CRB1: variants seen among roughly 807,000 people sequenced by gnomAD.
CRB1 encodes protein crumbs homolog 1.
CRB1 carries 83 observed loss-of-function variants against 120.0 expected under a neutral mutation model. The ratio of observed to expected loss-of-function variants is 0.69; its 90% CI spans 0.58 to 0.83. The LOEUF (loss-of-function observed/expected upper bound fraction) is 0.83, where lower values mean the gene tolerates loss of function less well. CRB1 is among the 40% of genes least tolerant of loss of function. CRB1 has a pLI of 0.00. For synonymous variants in CRB1, 625 were observed against 612.5 expected, an observed-to-expected ratio of 1.02 and a Z score of -0.30; for missense variants, 1,699 against 1,687.6, an observed-to-expected ratio of 1.01 and a Z score of -0.12.
At chr1:197,260,699 ATTT>A in the CRB1 span, among the ~76,000 whole-genome samples, 1 of 144,278 alleles carries the variant, frequency 6.9e-6, no homozygotes, top group African/African-American at 2.5e-5. Flanking sequence ...CAACTAACTA[ATTT>A]TTTTTTTTTT....
intron 5 of CRB1, among the ~76,000 whole-genome samples, chr1:197,361,769 TA>T (rs370146891): frequency 2.6e-5 from 4 of 151,350 alleles, no homozygotes; most frequent in African/African-American, 9.8e-5. Flanking sequence ...TGATTTTTTT[TA>T]AAAAAATAGC....
chr1:197,352,725 T>G (rs1660177441), intron 4 of CRB1, among the ~76,000 whole-genome samples: 1 of 151,872 alleles, frequency 6.6e-6, no homozygotes, highest in South Asian at 2.1e-4. Context: ...TCTAAGTTTC[T>G]TCTTCAGATT....
At chr1:197,237,304 A>C in the CRB1 span, among the ~76,000 whole-genome samples, 1 of 152,194 alleles carries the variant, frequency 6.6e-6, no homozygotes, top group Non-Finnish European at 1.5e-5. Context: ...TTTATTTCTT[A>C]CAGTTCTTGA....
At chr1:197,347,639 T>C (rs1321563228) in intron 4 of CRB1, among the ~76,000 whole-genome samples, 160 bp downstream of exon 4, 1 of 152,260 alleles carries the variant, frequency 6.6e-6, no homozygotes, top group Non-Finnish European at 1.5e-5. Flanking sequence ...CACACATATT[T>C]ACTGCTATAC....
chr1:197,442,060 A>G, intron 10 of CRB1, 106 bp from the exon 11 acceptor site: 1 of 1,304,278 alleles, frequency 7.7e-7, no homozygotes, highest in Non-Finnish European at 1.1e-6. Flanking sequence ...GGATGGGTAG[A>G]TAAGACTGTG....
chr1:197,319,432 CAAAAA>C (rs10646084), intron 1 of CRB1, among the ~76,000 whole-genome samples: 83 of 27,086 alleles, frequency 3.1e-3, no homozygotes, highest in African/African-American at 0.013. Flanking sequence ...GACTCCATCT[CAAAAA>C]AAAAAAAAAA....
At chr1:197,260,062 G>A in the CRB1 span, among the ~76,000 whole-genome samples, 1 of 152,006 alleles carries the variant, frequency 6.6e-6, no homozygotes, top group Non-Finnish European at 1.5e-5. Flanking sequence ...CTGAGGTTGG[G>A]AGGATCACTT....
At chr1:197,428,889 T>C in intron 7 of CRB1, 4 of 1,391,942 alleles carry the variant, frequency 2.9e-6, no homozygotes, top group Non-Finnish European at 2.9e-6. Flanking sequence ...CTCTAATAAA[T>C]TTCTTTTTAA....
chr1:197,264,542 A>G (rs1243923088), upstream of CRB1, among the ~76,000 whole-genome samples: 3 of 151,440 alleles, frequency 2.0e-5, no homozygotes. Context: ...TCTTTGAGTA[A>G]TTTCCTTATT....
intron 6 of CRB1, among the ~76,000 whole-genome samples, chr1:197,426,134 C>A (rs1222711544): frequency 2.6e-5 from 4 of 151,896 alleles, no homozygotes; most frequent in Non-Finnish European, 5.9e-5. Context: ...TCCATGCTTC[C>A]AGTTGCTTAG....
At chr1:197,356,493 T>A (rs1466575656) in intron 4 of CRB1, among the ~76,000 whole-genome samples, 1 of 152,260 alleles carries the variant, frequency 6.6e-6, no homozygotes, top group African/African-American at 2.4e-5. Flanking sequence ...GAAATATTTT[T>A]AAATACAAAT....
At chr1:197,310,746 T>A (rs1006263419) in intron 1 of CRB1, among the ~76,000 whole-genome samples, 13 of 152,252 alleles carry the variant, frequency 8.5e-5, no homozygotes, top group African/African-American at 3.1e-4. Flanking sequence ...ATTTGCATAG[T>A]CATATTAGTT....
At chr1:197,413,693 A>C in intron 5 of CRB1, 2 of 205,110 alleles carry the variant, frequency 9.8e-6, no homozygotes, top group South Asian at 1.6e-4. Flanking sequence ...AAGGGGAGGC[A>C]CCATGTGTTA....
intron 11 of CRB1, among the ~76,000 whole-genome samples, chr1:197,455,996 A>C (rs1034946947): frequency 3.3e-5 from 5 of 152,160 alleles, no homozygotes; most frequent in Admixed American, 3.3e-4. Flanking sequence ...TGGAAATTAT[A>C]TTCATGATTA....
At chr1:197,243,457 G>A in the CRB1 span, among the ~76,000 whole-genome samples, 1 of 152,216 alleles carries the variant, frequency 6.6e-6, no homozygotes, top group Admixed American at 6.5e-5. Context: ...TTCAGGAGGA[G>A]GTTTTCTGTT....
At chr1:197,367,608 T>C (rs1661143389) in intron 5 of CRB1, among the ~76,000 whole-genome samples, 1 of 152,194 alleles carries the variant, frequency 6.6e-6, no homozygotes, top group Non-Finnish European at 1.5e-5. Context: ...AACATTTCAT[T>C]TCTATTTATC....
chr1:197,357,929 A>T (rs1660575833), intron 5 of CRB1: 1 of 152,218 alleles, frequency 6.6e-6, no homozygotes, highest in African/African-American at 2.4e-5. Flanking sequence ...ACAGTAAAAA[A>T]ATTCCCCAGG....
At chr1:197,476,878 C>T (rs1185644886) in intron 11 of CRB1, among the ~76,000 whole-genome samples, 1 of 152,142 alleles carries the variant, frequency 6.6e-6, no homozygotes, top group Non-Finnish European at 1.5e-5. Context: ...CTGTGCAACT[C>T]AGTCACAGTT....
At chr1:197,298,807 C>G (rs1400993459) in intron 1 of CRB1, among the ~76,000 whole-genome samples, 2 of 151,714 alleles carry the variant, frequency 1.3e-5, no homozygotes, top group Non-Finnish European at 2.9e-5. Flanking sequence ...ATTTTTTTGC[C>G]CAATTATTTA....
Sources: gnomAD v4.1 joint callset for allele counts (sites outside exome capture counted in the v4.1 genomes callset) on GRCh38, gnomAD v4.1.1 for gene constraint, MANE v1.5 for transcripts, NCBI Gene and HGNC (gene_info 2026-07-23, HGNC 2026-07-21) for gene names.